CLIC5: variants seen among roughly 807,000 people sequenced by gnomAD.
CLIC5 encodes CLIC family member 5, also known as chloride intracellular channel protein 5.
A neutral mutation model predicts 24.7 loss-of-function variants in CLIC5; 20 were observed. The ratio of observed to expected loss-of-function variants is 0.81; its 90% CI spans 0.57 to 1.18. The LOEUF (loss-of-function observed/expected upper bound fraction) is 1.18. CLIC5 is among the 50% of genes most tolerant of loss of function. The pLI is 0.00. For synonymous variants in CLIC5, 159 were observed against 135.6 expected (o/e 1.17, Z -1.20); for missense variants, 341 against 326.1 (o/e 1.05, Z -0.35).
chr6:46,088,643 A>T, the CLIC5 span, among the ~76,000 whole-genome samples: 1 of 150,668 alleles, frequency 6.6e-6, no homozygotes, highest in Non-Finnish European at 1.5e-5. Context: ...GTACATTTTT[A>T]TTCTTTTTTA....
the CLIC5 span, among the ~76,000 whole-genome samples, chr6:46,088,838 T>G: frequency 2.0e-5 from 3 of 152,236 alleles, no homozygotes; most frequent in South Asian, 6.2e-4. Context: ...GGATTTTGCT[T>G]GAACAAGTGA....
chr6:45,906,428 C>T lies in CLIC5; in HGVS notation c.589-3173G>A, dbSNP rs188953043. ...AGCTCCCCTTGTAGAGATTTTAACT[C>T]CCTGGTTAGATGTAGTCCTAGATAT... On this transcript the variant is annotated intron_variant, in intron 5 of 5. Coordinates refer to ENST00000339561, the MANE Select transcript of CLIC5 (RefSeq NM_016929.5). 3.9e-5 allele frequency among the ~76,000 whole-genome samples: 6 copies of T among 152,164 alleles called. No homozygotes were observed. The South Asian group carries it at 8.3e-4, about 21-fold the overall frequency.
In CLIC5 at chr6:45,941,628, G is replaced by A. The variant is rs771084229; in HGVS notation, c.325C>T (p.Arg109Trp). 32 of 1,613,824 alleles carry A rather than the reference G, an allele frequency of 2.0e-5. No individual in the cohort carries two copies. The Admixed American group carries it at 2.7e-4, about 13-fold the overall frequency. Residue 109 changes from arginine (R) to tryptophan (W), a missense_variant, in exon 4 of 6, where the codon CGG (arginine) becomes TGG (tryptophan). Arg to Trp is a moderately radical substitution (Grantham distance 101). Transcript: ENST00000339561. ...EKYPKLAAKH[R>W]ESNTAGIDIF... is the part of the protein sequence containing the mutation. ...TCGATGCCCGCTGTGTTGGATTCCCGGTGTTTTGCAGCCAGTTTGGGGTAC... is the reference window on the plus strand; with the variant it reads ...TCGATGCCCGCTGTGTTGGATTCCCAGTGTTTTGCAGCCAGTTTGGGGTAC...
At chr6:46,005,980 GTA>G (rs35395134) in intron 1 of CLIC5, among the ~76,000 whole-genome samples, 202 of 117,632 alleles carry the variant, frequency 1.7e-3, no homozygotes, top group East Asian at 7.0e-3. Context: ...GCCTATGTGT[GTA>G]TATATATATA....
chr6:45,974,518 TATATAG>T (rs1330400164), intron 1 of CLIC5, among the ~76,000 whole-genome samples: 276 of 84,096 alleles, frequency 3.3e-3, no homozygotes, highest in South Asian at 5.7e-3. Context: ...TATATATATA[TATATAG>T]AGAGAGAGAG....
At chr6:46,054,218 G>T (rs1288108316) in intron 1 of CLIC5, among the ~76,000 whole-genome samples, 1 of 152,258 alleles carries the variant, frequency 6.6e-6, no homozygotes, top group South Asian at 2.1e-4. Flanking sequence ...ATTCTGGCAG[G>T]TATCTAATCT....
upstream of CLIC5, among the ~76,000 whole-genome samples, chr6:46,017,239 TA>T (rs1271187741): frequency 6.6e-6 from 1 of 152,224 alleles, no homozygotes; most frequent in East Asian, 1.9e-4. Flanking sequence ...TCTCTTTAAT[TA>T]ATCCTGTTTG....
the CLIC5 span, among the ~76,000 whole-genome samples, chr6:46,098,981 C>T: frequency 6.6e-6 from 1 of 152,044 alleles, no homozygotes; most frequent in African/African-American, 2.4e-5. Flanking sequence ...GCACTGGCTG[C>T]GGGGGTGGGG....
chr6:45,911,566 A>G (rs1762821319), intron 5 of CLIC5: 1 of 973,692 alleles, frequency 1.0e-6, no homozygotes, highest in African/African-American at 1.8e-5. Flanking sequence ...CCAATAAGAT[A>G]AAGGGATCCA....
intron 1 of CLIC5, among the ~76,000 whole-genome samples, chr6:45,990,098 C>T (rs1020313157): frequency 8.5e-5 from 13 of 152,184 alleles, no homozygotes; most frequent in Non-Finnish European, 1.8e-4. Flanking sequence ...AAAGTTGGGT[C>T]ATGTGAACAG....
intron 4 of CLIC5, among the ~76,000 whole-genome samples, chr6:45,927,085 G>GT (rs1763528884): frequency 1.3e-5 from 2 of 152,172 alleles, no homozygotes; most frequent in East Asian, 3.9e-4. Context: ...GGACGTGCCC[G>GT]TGGCTCTGAT....
intron 3 of CLIC5, among the ~76,000 whole-genome samples, chr6:45,942,296 T>A (rs1020072855): frequency 6.6e-6 from 1 of 152,192 alleles, no homozygotes; most frequent in Non-Finnish European, 1.5e-5. Flanking sequence ...TTTGCAATGA[T>A]CCAGCCCCCC....
In CLIC5 at chr6:46,010,698, C is replaced by A. The variant is rs145679137; in HGVS notation, c.63+4782G>T. Among the ~76,000 whole-genome samples the A allele has an allele frequency of 2.0e-5, 3 of 152,320 alleles. No individual in the cohort carries two copies. The East Asian group carries it at 5.8e-4, about 29-fold the overall frequency. The stretch of plus-strand genomic sequence containing the variant: ...GCAGACCCAGTCCTCATTCCCACCA[C>A]CCTGCCATGGCACTTCAAATATGCA... On this transcript the variant is annotated intron_variant, in intron 1 of 5. Coordinates refer to ENST00000339561, the MANE Select transcript of CLIC5 (RefSeq NM_016929.5).
intron 4 of CLIC5, 148 bp downstream of exon 4, chr6:45,941,399 T>C: frequency 2.0e-6 from 1 of 502,184 alleles, no homozygotes; most frequent in Admixed American, 3.5e-5. Flanking sequence ...AAGATGGTGG[T>C]GGCGGGGGGT....
At chr6:45,986,916 C>T (rs986271024) in intron 1 of CLIC5, among the ~76,000 whole-genome samples, 1 of 152,144 alleles carries the variant, frequency 6.6e-6, no homozygotes, top group South Asian at 2.1e-4. Flanking sequence ...ACCCTGGGGT[C>T]ATATTATTTG....
downstream of CLIC5, chr6:45,880,832 G>A (rs1202362939): frequency 3.5e-6 from 1 of 284,414 alleles, no homozygotes; most frequent in Non-Finnish European, 6.5e-6. Context: ...AGATCTGAGA[G>A]AGGCAGAGTT....
the CLIC5 span, among the ~76,000 whole-genome samples, chr6:46,109,202 C>T: frequency 7.2e-5 from 11 of 152,082 alleles, no homozygotes; most frequent in African/African-American, 2.2e-4. Flanking sequence ...TACTTTTTCT[C>T]GAAGAATGGT....
chr6:46,126,827 T>A, the CLIC5 span, among the ~76,000 whole-genome samples: 74 of 152,324 alleles, frequency 4.9e-4, no homozygotes, highest in African/African-American at 1.7e-3. Flanking sequence ...CTCTGAAACC[T>A]TCTTCCTGTA....
Position 45,885,641 on chromosome 6 carries a change from C to T in CLIC5, c.624-4453G>A, listed in dbSNP as rs144367364. Among the ~76,000 whole-genome samples, 227 of 152,266 alleles carry T rather than the reference C, an allele frequency of 1.5e-3. 2 individuals are homozygous for T. The highest frequency in any genetic ancestry group is 0.011 in the East Asian group (58 of 5,182). On this transcript the variant is annotated intron_variant, in intron 6 of 6. Coordinates refer to the CLIC5 transcript ENST00000644324. ...GGAAAGATGAGGAACGTCAATTCTCCGGACATCTTCTGAATCTCATTTCGG... is the reference window on the plus strand; with the variant it reads ...GGAAAGATGAGGAACGTCAATTCTCTGGACATCTTCTGAATCTCATTTCGG...
Sources: allele counts gnomAD v4.1 joint callset (sites outside exome capture counted in the v4.1 genomes callset), GRCh38; gene constraint gnomAD v4.1.1; transcripts MANE v1.5; gene names NCBI Gene and HGNC (gene_info 2026-07-23, HGNC 2026-07-21).